The following SORCS2 variants were observed in gnomAD, a reference collection of about 807,000 sequenced individuals.
SORCS2 encodes sortilin related VPS10 domain containing receptor 2.
A neutral mutation model predicts 141.6 loss-of-function variants in SORCS2; 100 were observed. The observed-to-expected ratio is 0.71, with a 90% CI of 0.60 to 0.83. The LOEUF (loss-of-function observed/expected upper bound fraction) is 0.83. Among genes scored for constraint, SORCS2 ranks in the 40% least tolerant of loss-of-function variants. The pLI, the probability that SORCS2 is intolerant of heterozygous loss-of-function variation, is 0.00. For missense variants in SORCS2, 1,646 were observed against 1,560.2 expected, an observed-to-expected ratio of 1.05 and a Z score of -0.93; for synonymous variants, 789 against 676.9, an observed-to-expected ratio of 1.17 and a Z score of -2.57.
intron 1 of SORCS2, among the ~76,000 whole-genome samples, chr4:7,374,665 G>C (rs113922612): frequency 0.012 from 1,861 of 152,214 alleles, 20 homozygotes; most frequent in African/African-American, 0.021. Context: ...AAGAGCTGGG[G>C]TCCCCGATCG....
At chr4:7,625,299 C>G (rs2108836843) in intron 3 of SORCS2, among the ~76,000 whole-genome samples, 1 of 152,234 alleles carries the variant, frequency 6.6e-6, no homozygotes, top group East Asian at 1.9e-4. Flanking sequence ...TCAGACAGAG[C>G]TGGGTCTCAT....
At chr4:7,376,596 A>G (rs1343422072) in intron 1 of SORCS2, among the ~76,000 whole-genome samples, 1 of 152,112 alleles carries the variant, frequency 6.6e-6, no homozygotes, top group African/African-American at 2.4e-5. Flanking sequence ...ATAAAAACAA[A>G]CAAAACCAAT....
intron 1 of SORCS2, among the ~76,000 whole-genome samples, chr4:7,335,886 G>A (rs1719951651): frequency 6.6e-6 from 1 of 152,224 alleles, no homozygotes; most frequent in Non-Finnish European, 1.5e-5. Flanking sequence ...GACCCAAGCT[G>A]GCTTGGCAGG....
At chr4:7,435,221 C>A (rs536644654) in intron 2 of SORCS2, among the ~76,000 whole-genome samples, 3 of 152,278 alleles carry the variant, frequency 2.0e-5, no homozygotes, top group South Asian at 4.1e-4. Context: ...TCCTGGGGTT[C>A]CCTTCCCTGC....
rs941800285 is a variant in SORCS2, at chr4:7,225,623, C to T, written c.480+32497C>T. ...AGCTGGGGGTTGGGGGTGATTTCCA[C>T]TTGAGCTCCAGTGTGGTTGCTGCTA... On this transcript the variant is annotated intron_variant, in intron 1 of 26. Coordinates refer to ENST00000507866, the MANE Select transcript of SORCS2 (RefSeq NM_020777.3). Among the ~76,000 whole-genome samples the T allele has an allele frequency of 4.6e-5, 7 of 152,158 alleles. 1 individual carries two copies. The highest frequency in any genetic ancestry group is 8.8e-5 in the Non-Finnish European group (6 of 68,030).
chr4:7,246,295 G>A (rs976872152), intron 1 of SORCS2, among the ~76,000 whole-genome samples: 4 of 152,194 alleles, frequency 2.6e-5, no homozygotes, highest in African/African-American at 9.7e-5. Context: ...TGTGCCCTTT[G>A]GCACTCTGAC....
chr4:7,538,140 T>C (rs1712281166), intron 3 of SORCS2, among the ~76,000 whole-genome samples: 1 of 152,222 alleles, frequency 6.6e-6, no homozygotes, highest in Non-Finnish European at 1.5e-5. Context: ...TGGATAGGTT[T>C]TGCAGGAAGA....
At chr4:7,589,866 C>A (rs1314793265) in intron 3 of SORCS2, among the ~76,000 whole-genome samples, 27 of 152,120 alleles carry the variant, frequency 1.8e-4, no homozygotes, top group Admixed American at 1.8e-3. Flanking sequence ...AAATTTGAAC[C>A]CAGACACCTG....
At chr4:7,526,103 T>A (rs1051236936) in intron 2 of SORCS2, among the ~76,000 whole-genome samples, 1 of 152,214 alleles carries the variant, frequency 6.6e-6, no homozygotes, top group African/African-American at 2.4e-5. Flanking sequence ...ACAGCAGTAA[T>A]GATGAGCCCT....
At chr4:7,446,806 G>A (rs1474308877) in intron 2 of SORCS2, among the ~76,000 whole-genome samples, 1 of 152,224 alleles carries the variant, frequency 6.6e-6, no homozygotes, top group Non-Finnish European at 1.5e-5. Context: ...GGAAACCCCG[G>A]GACATGGAGA....
intron 11 of SORCS2, among the ~76,000 whole-genome samples, chr4:7,692,809 C>T (rs985669027): frequency 1.3e-5 from 2 of 152,132 alleles, no homozygotes; most frequent in African/African-American, 4.8e-5. Flanking sequence ...CAGAGGGCAC[C>T]GCGTGTGCAG....
At chr4:7,724,633 G>GTGGTGATGGCGGTGA (rs1726982075) in intron 19 of SORCS2, among the ~76,000 whole-genome samples, 1 of 107,324 alleles carries the variant, frequency 9.3e-6, no homozygotes, top group Non-Finnish European at 2.0e-5. Flanking sequence ...GGTGATGGTG[G>GTGGTGATGGCGGTGA]TGATGGTGGA....
At position 7,741,156 on chromosome 4, in the gene SORCS2, G is replaced by A. The variant is rs760212797; in HGVS notation, c.*892G>A. ...AGATGCCCCCAGAAAGGTGGGTGGT[G>A]GAGACGGCACCAGATGTACCAGTTT... On this transcript the variant is annotated 3_prime_UTR_variant, in exon 27 of 27. Transcript: ENST00000507866. 3 of 398,572 alleles carry A rather than the reference G, an allele frequency of 7.5e-6. No homozygotes were observed. Among genetic ancestry groups the A allele is most frequent in the South Asian group, 2.5e-4 (2 of 7,858 alleles). 24.7% of individuals were successfully genotyped at this position (398,572 alleles called of 1,614,324 possible). A position where few individuals can be genotyped will look rare whatever the true frequency, so the allele number is the denominator to read the frequency against.
intron 1 of SORCS2, among the ~76,000 whole-genome samples, chr4:7,211,764 C>A (rs1204395998): frequency 6.6e-6 from 1 of 152,064 alleles, no homozygotes; most frequent in Non-Finnish European, 1.5e-5. Flanking sequence ...AAGGTGGGGG[C>A]CCCTGTGAGA....
intron 1 of SORCS2, among the ~76,000 whole-genome samples, chr4:7,232,619 G>A (rs535564227): frequency 3.9e-5 from 6 of 152,304 alleles, no homozygotes; most frequent in South Asian, 2.1e-4. Flanking sequence ...CTGAGCCCTC[G>A]GTGCTGGGGC....
intron 2 of SORCS2, among the ~76,000 whole-genome samples, chr4:7,467,895 G>C (rs1009229586): frequency 6.6e-6 from 1 of 152,248 alleles, no homozygotes; most frequent in Non-Finnish European, 1.5e-5. Flanking sequence ...GGAGGCTCAA[G>C]CCCCTTGGCC....
chr4:7,272,045 G>T (rs1167505765), intron 1 of SORCS2, among the ~76,000 whole-genome samples: 1 of 152,210 alleles, frequency 6.6e-6, no homozygotes, highest in Non-Finnish European at 1.5e-5. Context: ...CTTGGGCGGG[G>T]TAACGTGGAT....
chr4:7,516,082 C>A (rs989139083), intron 2 of SORCS2, among the ~76,000 whole-genome samples: 1 of 152,190 alleles, frequency 6.6e-6, no homozygotes, highest in Non-Finnish European at 1.5e-5. Context: ...TTCATTTATT[C>A]ATTCAAGCAT....
At chr4:7,724,620 GA>G (rs1249833413) in intron 19 of SORCS2, among the ~76,000 whole-genome samples, 3 of 118,688 alleles carry the variant, frequency 2.5e-5, no homozygotes, top group Non-Finnish European at 5.4e-5. Flanking sequence ...TGCTGGTGAG[GA>G]TGGTGATGGT....
Sources: gnomAD v4.1 joint callset for allele counts (sites outside exome capture counted in the v4.1 genomes callset) on GRCh38, gnomAD v4.1.1 for gene constraint, MANE v1.5 for transcripts, NCBI Gene and HGNC (gene_info 2026-07-23, HGNC 2026-07-21) for gene names.